The following HS6ST3 variants were observed in gnomAD, a reference collection of about 807,000 sequenced individuals.
HS6ST3 encodes heparan-sulfate 6-O-sulfotransferase 3.
Under a neutral mutation model 36.7 loss-of-function variants are expected in HS6ST3, and 12 were observed. The ratio of observed to expected loss-of-function variants is 0.33; its 90% CI spans 0.21 to 0.53. HS6ST3 has a LOEUF of 0.53. HS6ST3 is among the 20% of genes least tolerant of loss of function. HS6ST3 has a pLI of 0.95. For synonymous variants in HS6ST3, 240 were observed against 257.5 expected (o/e 0.93, Z 0.65); for missense variants, 584 against 640.9 (o/e 0.91, Z 0.96).
intron 1 of HS6ST3, among the ~76,000 whole-genome samples, chr13:96,770,169 G>A (rs765782527): frequency 4.6e-5 from 7 of 152,186 alleles, no homozygotes; most frequent in African/African-American, 1.7e-4. Context: ...TTACTGTACA[G>A]AATAATAAAT....
At chr13:96,221,269 C>G (rs979571063) in intron 1 of HS6ST3, among the ~76,000 whole-genome samples, 1 of 152,132 alleles carries the variant, frequency 6.6e-6, no homozygotes, top group Admixed American at 6.5e-5. Flanking sequence ...GTACATATGA[C>G]TATTATTCAA....
intron 1 of HS6ST3, among the ~76,000 whole-genome samples, chr13:96,679,357 T>C (rs770605138): frequency 2.0e-5 from 3 of 151,892 alleles, no homozygotes; most frequent in Non-Finnish European, 4.4e-5. Flanking sequence ...CCGAGCAGGC[T>C]TGTTTAAAGC....
At chr13:96,563,144 C>A (rs2056268759) in intron 1 of HS6ST3, among the ~76,000 whole-genome samples, 1 of 151,610 alleles carries the variant, frequency 6.6e-6, no homozygotes, top group Non-Finnish European at 1.5e-5. Flanking sequence ...TAAATCAAAC[C>A]TTCTAATCAT....
chr13:96,227,088 A>G (rs1294260864), intron 1 of HS6ST3, among the ~76,000 whole-genome samples: 2 of 152,232 alleles, frequency 1.3e-5, no homozygotes, highest in Non-Finnish European at 2.9e-5. Flanking sequence ...TGGGAAAAAT[A>G]TGCCCTAAAA....
At chr13:96,792,376 T>A (rs1877811414) in intron 1 of HS6ST3, among the ~76,000 whole-genome samples, 1 of 151,874 alleles carries the variant, frequency 6.6e-6, no homozygotes, top group African/African-American at 2.4e-5. Context: ...AAATTTTGAG[T>A]TGACATTGTG....
chr13:96,790,572 T>A (rs1877762774), intron 1 of HS6ST3, among the ~76,000 whole-genome samples: 1 of 152,044 alleles, frequency 6.6e-6, no homozygotes, highest in Admixed American at 6.6e-5. Flanking sequence ...TCAACCAATA[T>A]TTTTTAAGTT....
At chr13:96,770,545 G>C (rs1026868847) in intron 1 of HS6ST3, among the ~76,000 whole-genome samples, 3 of 152,124 alleles carry the variant, frequency 2.0e-5, no homozygotes, top group African/African-American at 7.2e-5. Flanking sequence ...TATGGTAAAT[G>C]ATAATGCAAA....
intron 1 of HS6ST3, among the ~76,000 whole-genome samples, chr13:96,323,521 G>A (rs2139416238): frequency 6.6e-6 from 1 of 152,240 alleles, no homozygotes; most frequent in East Asian, 1.9e-4. Context: ...GGCAGCCACA[G>A]CCTCATAGTT....
At chr13:96,356,518 G>C (rs771631392) in intron 1 of HS6ST3, among the ~76,000 whole-genome samples, 36 of 152,132 alleles carry the variant, frequency 2.4e-4, no homozygotes, top group Admixed American at 1.5e-3. Flanking sequence ...ATTTCCATCA[G>C]AGCTCTTCGG....
At chr13:96,614,192 G>A (rs1325719831) in intron 1 of HS6ST3, among the ~76,000 whole-genome samples, 1 of 151,108 alleles carries the variant, frequency 6.6e-6, no homozygotes, top group East Asian at 2.0e-4. Flanking sequence ...CAGCTACTCG[G>A]GAGGCTGAGG....
chr13:96,153,363 T>C (rs996276935), intron 1 of HS6ST3, among the ~76,000 whole-genome samples: 1 of 152,146 alleles, frequency 6.6e-6, no homozygotes, highest in Non-Finnish European at 1.5e-5. Context: ...AAATAACTTA[T>C]TAAATCTGTG....
chr13:96,681,816 A>G (rs1367796045), intron 1 of HS6ST3, among the ~76,000 whole-genome samples: 1 of 152,082 alleles, frequency 6.6e-6, no homozygotes, highest in Non-Finnish European at 1.5e-5. Flanking sequence ...ATGGCCATTT[A>G]TTGAACCATC....
At chr13:96,603,424 C>G (rs2138983745) in intron 1 of HS6ST3, among the ~76,000 whole-genome samples, 1 of 152,172 alleles carries the variant, frequency 6.6e-6, no homozygotes, top group African/African-American at 2.4e-5. Flanking sequence ...ATTTTCATTG[C>G]CTATATTATA....
At chr13:96,360,075 G>C (rs1316985784) in intron 1 of HS6ST3, among the ~76,000 whole-genome samples, 1 of 152,126 alleles carries the variant, frequency 6.6e-6, no homozygotes, top group African/African-American at 2.4e-5. Context: ...GAGATGAAGT[G>C]AACAAGATGC....
chr13:96,703,895 TG>T (rs1875352143), intron 1 of HS6ST3, among the ~76,000 whole-genome samples: 2 of 152,176 alleles, frequency 1.3e-5, no homozygotes, highest in Non-Finnish European at 2.9e-5. Context: ...CAAGTTCTGA[TG>T]ATTTAAAAGT....
intron 1 of HS6ST3, among the ~76,000 whole-genome samples, chr13:96,759,014 T>A (rs192624482): frequency 1.4e-4 from 21 of 151,988 alleles, no homozygotes; most frequent in Admixed American, 7.9e-4. Context: ...ATTTCACACA[T>A]TTTTATTGTT....
intron 1 of HS6ST3, among the ~76,000 whole-genome samples, chr13:96,271,816 A>T (rs1010553316): frequency 2.0e-5 from 3 of 151,972 alleles, no homozygotes; most frequent in Admixed American, 1.3e-4. Context: ...CAAATCCCAC[A>T]TGGACACCTC....
In HS6ST3 at chr13:96,510,292, T is replaced by C. The variant is rs184821994; in HGVS notation, c.708-322198T>C. On this transcript the variant is annotated intron_variant, in intron 1 of 1. Coordinates refer to ENST00000376705, the MANE Select transcript of HS6ST3 (RefSeq NM_153456.4). ...TCAAACCTAGGAGTCTTTAGGATTT[T>C]CTGGGTATACAGTCATATCATATGC... 1.4e-4 allele frequency among the ~76,000 whole-genome samples: 22 copies of C among 152,232 alleles called. No homozygotes were observed. In the East Asian group the frequency reaches 4.1e-3, roughly 28 times the overall value.
chr13:96,811,865 A>G (rs925658334), intron 1 of HS6ST3, among the ~76,000 whole-genome samples: 2 of 152,212 alleles, frequency 1.3e-5, no homozygotes, highest in African/African-American at 4.8e-5. Flanking sequence ...CTCAATTTCT[A>G]TTAGATTAGG....
Sources: allele counts gnomAD v4.1 joint callset (sites outside exome capture counted in the v4.1 genomes callset), GRCh38; gene constraint gnomAD v4.1.1; transcripts MANE v1.5; gene names NCBI Gene and HGNC (gene_info 2026-07-23, HGNC 2026-07-21).